The following PIBF1 variants were observed in gnomAD, a reference collection of about 807,000 sequenced individuals.
The protein encoded by PIBF1 is progesterone-induced-blocking factor 1.
Under a neutral mutation model 112.5 loss-of-function variants are expected in PIBF1, and 90 were observed. That is an observed-to-expected ratio of 0.80 (90% CI 0.67 to 0.95). The LOEUF (loss-of-function observed/expected upper bound fraction) is 0.95. Ranked by LOEUF, PIBF1 falls within the 40% of genes least tolerant of loss-of-function variation. PIBF1 has a pLI of 0.00. For synonymous variants in PIBF1, 301 were observed against 288.6 expected (o/e 1.04, Z -0.44); for missense variants, 915 against 852.3 (o/e 1.07, Z -0.92).
At chr13:72,921,616 G>T (rs2041295358) in intron 13 of PIBF1, among the ~76,000 whole-genome samples, 1 of 151,814 alleles carries the variant, frequency 6.6e-6, no homozygotes, top group African/African-American at 2.4e-5. Flanking sequence ...ATTTTTAATG[G>T]TTATCCAAAA....
At chr13:72,906,715 T>C (rs149839498) in intron 11 of PIBF1, among the ~76,000 whole-genome samples, 64 of 152,310 alleles carry the variant, frequency 4.2e-4, no homozygotes, top group African/African-American at 1.4e-3. Context: ...TTTAAATCTC[T>C]CCTTAAAATA....
In PIBF1 at chr13:72,783,778, T is replaced by C. The variant is rs553068924; in HGVS notation, c.252+57T>C. ...TGCTTTATTGTCTTCAAACGGCAGGTAAATAAGAATTAAATACACACATTA... is the reference window on the plus strand; with the variant it reads ...TGCTTTATTGTCTTCAAACGGCAGGCAAATAAGAATTAAATACACACATTA... On this transcript the variant is annotated intron_variant, in intron 2 of 17. Transcript: ENST00000326291. The C allele has an allele frequency of 1.7e-4, 240 of 1,447,978 alleles. 2 individuals carry two copies. In the East Asian group the frequency reaches 5.4e-3, roughly 33 times the overall value. The allele number at this position is 1,447,978 out of a possible 1,614,324, so 89.7% of individuals were successfully genotyped here. A position where few individuals can be genotyped will look rare whatever the true frequency, so the allele number is the denominator to read the frequency against.
intron 6 of PIBF1, among the ~76,000 whole-genome samples, chr13:72,823,928 G>T (rs983894592): frequency 1.3e-5 from 2 of 152,076 alleles, no homozygotes; most frequent in African/African-American, 4.8e-5. Context: ...TGGCTACATT[G>T]GTCATTATTT....
intron 5 of PIBF1, among the ~76,000 whole-genome samples, chr13:72,811,869 A>G (rs1250580803): frequency 6.6e-6 from 1 of 152,234 alleles, no homozygotes; most frequent in Non-Finnish European, 1.5e-5. Flanking sequence ...TGGGAAAGCT[A>G]AAATGAATGC....
chr13:73,009,613 G>A (rs1161859770), intron 17 of PIBF1, among the ~76,000 whole-genome samples: 1 of 152,236 alleles, frequency 6.6e-6, no homozygotes, highest in Admixed American at 6.5e-5. Flanking sequence ...AGTCTTCTAA[G>A]TGAAATGTGG....
intron 5 of PIBF1, among the ~76,000 whole-genome samples, chr13:72,806,985 C>CTT (rs554488822): frequency 2.1e-5 from 3 of 143,114 alleles, no homozygotes; most frequent in Non-Finnish European, 3.1e-5. Context: ...CTAATTTACG[C>CTT]TTTTTTTTTT....
intron 17 of PIBF1, among the ~76,000 whole-genome samples, chr13:73,004,327 CTAA>C (rs1218203816): frequency 6.6e-6 from 1 of 151,932 alleles, no homozygotes; most frequent in Non-Finnish European, 1.5e-5. Context: ...CTCATCTCTA[CTAA>C]AAATACAAAA....
At chr13:72,865,250 C>T (rs776647810) in intron 10 of PIBF1, among the ~76,000 whole-genome samples, 1 of 151,916 alleles carries the variant, frequency 6.6e-6, no homozygotes, top group Non-Finnish European at 1.5e-5. Flanking sequence ...CTGTTCTATA[C>T]GTATTAGCTA....
chr13:72,885,618 A>G (rs1206359173), intron 10 of PIBF1, among the ~76,000 whole-genome samples: 4 of 152,214 alleles, frequency 2.6e-5, no homozygotes, highest in Middle Eastern at 3.4e-3. Context: ...AGTAACTTGT[A>G]TTTTAATTGT....
At chr13:72,938,411 A>G (rs113798361) in intron 14 of PIBF1, among the ~76,000 whole-genome samples, 8 of 151,980 alleles carry the variant, frequency 5.3e-5, no homozygotes, top group African/African-American at 1.7e-4. Context: ...CTCTCTCTCT[A>G]TGGATTTGCC....
intron 10 of PIBF1, among the ~76,000 whole-genome samples, chr13:72,890,651 T>G (rs562082882): frequency 1.3e-5 from 2 of 152,244 alleles, no homozygotes; most frequent in South Asian, 4.1e-4. Flanking sequence ...ATATCAAACG[T>G]GAAGTTGTTA....
chr13:73,000,747 C>T (rs576069530), intron 17 of PIBF1, among the ~76,000 whole-genome samples: 2 of 152,300 alleles, frequency 1.3e-5, no homozygotes, highest in South Asian at 4.1e-4. Flanking sequence ...TGACCTTCTG[C>T]ATTTCTAGCT....
intron 11 of PIBF1, among the ~76,000 whole-genome samples, chr13:72,905,567 A>G (rs78098833): frequency 0.022 from 3,355 of 152,290 alleles, 135 homozygotes; most frequent in African/African-American, 0.076. Context: ...GTGTCTACTT[A>G]TAAAGCAAAT....
At chr13:72,877,658 T>TGA (rs2039462706) in intron 10 of PIBF1, among the ~76,000 whole-genome samples, 1 of 152,146 alleles carries the variant, frequency 6.6e-6, no homozygotes, top group African/African-American at 2.4e-5. Context: ...TTATGAAGTT[T>TGA]GAGAGCACAG....
At chr13:72,990,677 A>G (rs1247320703) in intron 16 of PIBF1, among the ~76,000 whole-genome samples, 4 of 151,380 alleles carry the variant, frequency 2.6e-5, no homozygotes, top group African/African-American at 4.9e-5. Flanking sequence ...GTGAAACCCC[A>G]TCTCTACTGA....
At chr13:72,996,993 A>G (rs1007199865) in intron 16 of PIBF1, among the ~76,000 whole-genome samples, 16 of 152,204 alleles carry the variant, frequency 1.1e-4, no homozygotes, top group African/African-American at 3.9e-4. Flanking sequence ...GTACAGTCAC[A>G]TTAACGAAAG....
At chr13:72,989,925 A>G (rs1289656084) in intron 16 of PIBF1, among the ~76,000 whole-genome samples, 4 of 152,122 alleles carry the variant, frequency 2.6e-5, no homozygotes, top group African/African-American at 7.2e-5. Context: ...TTTATTAAAA[A>G]ATGCCCGACC....
At chr13:72,974,471 G>A (rs2042971456) in intron 16 of PIBF1, among the ~76,000 whole-genome samples, 1 of 152,082 alleles carries the variant, frequency 6.6e-6, no homozygotes, top group South Asian at 2.1e-4. Context: ...ATAGCCTTTT[G>A]AGTCTGGCTT....
intron 10 of PIBF1, among the ~76,000 whole-genome samples, chr13:72,878,834 G>A (rs189819505): frequency 9.2e-5 from 14 of 152,204 alleles, no homozygotes; most frequent in African/African-American, 3.4e-4. Context: ...TATCTACTTG[G>A]AAAATGGACC....
Sources: allele counts gnomAD v4.1 joint callset (sites outside exome capture counted in the v4.1 genomes callset), GRCh38; gene constraint gnomAD v4.1.1; transcripts MANE v1.5; gene names NCBI Gene and HGNC (gene_info 2026-07-23, HGNC 2026-07-21).